Variants in PKN2 observed in about 807,000 individuals in gnomAD.
PKN2 encodes the protein serine/threonine-protein kinase N2.
In PKN2, 38 loss-of-function variants were observed where a neutral mutation model predicts 119.1. The ratio of observed to expected loss-of-function variants is 0.32; its 90% CI spans 0.25 to 0.42. PKN2 has a LOEUF of 0.42. Ranked by LOEUF, PKN2 falls within the 10% of genes least tolerant of loss-of-function variation. PKN2 has a pLI of 1.00. For synonymous variants in PKN2, 390 were observed against 384.9 expected (o/e 1.01, Z -0.15); for missense variants, 850 against 1,165.1 (o/e 0.73, Z 3.94).
At chr1:88,758,525 C>T (rs1387385812) in intron 2 of PKN2, among the ~76,000 whole-genome samples, 3 of 152,208 alleles carry the variant, frequency 2.0e-5, no homozygotes, top group East Asian at 1.9e-4. Context: ...TCCTCTCCCT[C>T]CTCCCACCCT....
At chr1:88,772,548 C>T (rs11804251) in intron 6 of PKN2, among the ~76,000 whole-genome samples, 6,137 of 152,186 alleles carry the variant, frequency 0.04, 195 homozygotes, top group African/African-American at 0.083. Flanking sequence ...ATAAGGAATA[C>T]TCAACCTATA....
At position 88,813,719 on chromosome 1, in the gene PKN2, T is replaced by C; in HGVS notation, c.2265T>C (p.Ser755=). 6.3e-7 allele frequency: 1 copy of C among 1,594,304 alleles called. No homozygotes were observed. Among genetic ancestry groups the C allele is most frequent in the East Asian group, 2.3e-5 (1 of 43,476 alleles). ...TGCACATTCATACTGATGTCTTTTC[T>C]GAACCAAGAGCTGTGTGAGTATGCT... The part of the protein sequence containing the change: ...LMMHIHTDVF[S]EPRAVFYAAC... Residue 755 remains serine (S), a synonymous_variant, in exon 16 of 22, where the codon TCT becomes TCC. Transcript: ENST00000370521.
intron 3 of PKN2, among the ~76,000 whole-genome samples, chr1:88,769,228 CAG>C (rs1669788828): frequency 2.6e-5 from 4 of 152,106 alleles, no homozygotes; most frequent in Admixed American, 2.6e-4. Context: ...TAAGATATAA[CAG>C]AAGTGTTCTC....
At chr1:88,787,805 C>G (rs1408161605) in intron 8 of PKN2, among the ~76,000 whole-genome samples, 1 of 152,146 alleles carries the variant, frequency 6.6e-6, no homozygotes, top group African/African-American at 2.4e-5. Context: ...TAAGCAGGTC[C>G]TCTAGGTTCT....
intron 3 of PKN2, among the ~76,000 whole-genome samples, chr1:88,761,498 A>C (rs533721550): frequency 6.6e-6 from 1 of 151,698 alleles, no homozygotes; most frequent in Admixed American, 6.6e-5. Context: ...ATTTGAGACT[A>C]GGCCTGGTGG....
At chr1:88,769,848 C>T (rs1021535407) in intron 3 of PKN2, among the ~76,000 whole-genome samples, 1 of 152,062 alleles carries the variant, frequency 6.6e-6, no homozygotes, top group Non-Finnish European at 1.5e-5. Context: ...AAGGTACATA[C>T]TTAGAGTTAG....
chr1:88,824,465 A>T, intron 18 of PKN2, 79 bp downstream of exon 18: 1 of 818,356 alleles, frequency 1.2e-6, no homozygotes, highest in Admixed American at 2.0e-5. Context: ...AAGTTTGTCT[A>T]TGGAAAACAA....
chr1:88,690,978 T>A (rs1297911823), intron 1 of PKN2, among the ~76,000 whole-genome samples: 1 of 152,216 alleles, frequency 6.6e-6, no homozygotes, highest in Non-Finnish European at 1.5e-5. Flanking sequence ...TTTAATGGAA[T>A]GTAGTTATGA....
intron 2 of PKN2, among the ~76,000 whole-genome samples, chr1:88,750,399 T>C (rs947453423): frequency 9.8e-5 from 15 of 152,326 alleles, no homozygotes; most frequent in South Asian, 2.1e-4. Flanking sequence ...TGCTGAGTTG[T>C]GGTTTTAGAG....
chr1:88,714,360 A>G (rs1397858986), intron 1 of PKN2, among the ~76,000 whole-genome samples: 1 of 152,142 alleles, frequency 6.6e-6, no homozygotes, highest in East Asian at 1.9e-4. Flanking sequence ...TGAATCTATA[A>G]ATTACCATGG....
At chr1:88,714,018 G>T (rs1667344571) in intron 1 of PKN2, among the ~76,000 whole-genome samples, 1 of 152,112 alleles carries the variant, frequency 6.6e-6, no homozygotes, top group Admixed American at 6.5e-5. Flanking sequence ...AGTTTTCCCA[G>T]CACCACTTAT....
chr1:88,724,882 GTTTT>G (rs60507382), intron 1 of PKN2, among the ~76,000 whole-genome samples: 1 of 106,012 alleles, frequency 9.4e-6, no homozygotes, highest in Non-Finnish European at 1.8e-5. Context: ...CCACCCCTTG[GTTTT>G]TTTTTTTTTT....
At chr1:88,816,225 G>A (rs1441027088) in intron 16 of PKN2, among the ~76,000 whole-genome samples, 1 of 152,052 alleles carries the variant, frequency 6.6e-6, no homozygotes, top group African/African-American at 2.4e-5. Flanking sequence ...AGAAAATTAT[G>A]TTTAACTATC....
chr1:88,752,554 AGTTTTTTCTT>A (rs1669045275), intron 2 of PKN2, among the ~76,000 whole-genome samples: 1 of 152,094 alleles, frequency 6.6e-6, no homozygotes, highest in African/African-American at 2.4e-5. Context: ...AAAATTTGCC[AGTTTTTTCTT>A]TATTTTGTTC....
Position 88,804,386 on chromosome 1 carries a change from C to T in PKN2, c.1282-5C>T. On this transcript the variant is annotated splice_region_variant and splice_polypyrimidine_tract_variant and intron_variant, in intron 8 of 21. Coordinates refer to ENST00000370521, the MANE Select transcript of PKN2 (RefSeq NM_006256.4). Reference sequence around the variant, plus strand: ...TTTCTTTATTATTTTTTTTAATTATCCTAGTCACGTGAACTGGAAATTTCA... The same window carrying T: ...TTTCTTTATTATTTTTTTTAATTATTCTAGTCACGTGAACTGGAAATTTCA... The T allele has an allele frequency of 1.3e-6, 2 of 1,596,886 alleles. No individual in the cohort carries two copies. Among genetic ancestry groups the T allele is most frequent in the Non-Finnish European group, 8.5e-7 (1 of 1,170,112 alleles).
intron 1 of PKN2, among the ~76,000 whole-genome samples, chr1:88,685,918 G>A (rs1213789046): frequency 6.6e-6 from 1 of 152,026 alleles, no homozygotes; most frequent in Non-Finnish European, 1.5e-5. Context: ...TGAAAACTTT[G>A]GTATAATGGT....
chr1:88,784,160 G>T (rs1464999728), intron 6 of PKN2, among the ~76,000 whole-genome samples: 2 of 126,658 alleles, frequency 1.6e-5, no homozygotes, highest in East Asian at 4.6e-4. Context: ...TTTTTGGAGA[G>T]AGAGTCTTGG....
chr1:88,797,057 G>C (rs1402960023), intron 8 of PKN2, among the ~76,000 whole-genome samples: 3 of 152,070 alleles, frequency 2.0e-5, no homozygotes, highest in Non-Finnish European at 4.4e-5. Flanking sequence ...GTCAGGGCCA[G>C]GCACAGTGGC....
rs758343619 is a variant in PKN2, at chr1:88,833,147, C to T, written c.2741C>T (p.Pro914Leu). ...GATGCAGAGGATGTAAAAAAGCACCCATTTTTCCGGGTAAGTGTGACTATT... is the reference window on the plus strand; with the variant it reads ...GATGCAGAGGATGTAAAAAAGCACCTATTTTTCCGGGTAAGTGTGACTATT... ...EKDAEDVKKH[P>L]FFRLIDWSAL... Residue 914 changes from proline (P) to leucine (L), a missense_variant, in exon 21 of 22, where the codon CCA (proline) becomes CTA (leucine). Physicochemically the swap from Pro to Leu is moderately conservative, Grantham distance 98. Around this residue, in one of 9 missense-constraint regions of PKN2, gnomAD observed 95 missense variants for 150.2 expected, o/e 0.63. Coordinates refer to ENST00000370521, the MANE Select transcript of PKN2 (RefSeq NM_006256.4). 2.6e-5 allele frequency: 42 copies of T among 1,612,628 alleles called. No homozygotes were observed. The Admixed American group carries it at 4.2e-4, about 16-fold the overall frequency.
Sources: gnomAD v4.1 joint callset for allele counts (sites outside exome capture counted in the v4.1 genomes callset) on GRCh38, gnomAD v4.1.1 for gene constraint, gnomAD v4.1.1 regional missense constraint, MANE v1.5 for transcripts, NCBI Gene and HGNC (gene_info 2026-07-23, HGNC 2026-07-21) for gene names.